CD8B2: variants seen among roughly 807,000 people sequenced by gnomAD.
The protein encoded by CD8B2 is T-cell surface glycoprotein CD8 beta-2 chain.
Under a neutral mutation model 23.7 loss-of-function variants are expected in CD8B2, and 11 were observed. The observed-to-expected ratio is 0.46, with a 90% CI of 0.29 to 0.77. CD8B2 has a LOEUF of 0.77. Ranked by LOEUF, CD8B2 falls within the 30% of genes least tolerant of loss-of-function variation. The pLI is 0.09. For synonymous variants in CD8B2, 90 were observed against 109.3 expected, an observed-to-expected ratio of 0.82 and a Z score of 1.10; for missense variants, 197 against 270.5, an observed-to-expected ratio of 0.73 and a Z score of 1.91.
intron 5 of CD8B2, among the ~76,000 whole-genome samples, chr2:106,536,625 G>T (rs553332803): frequency 6.6e-6 from 1 of 152,216 alleles, no homozygotes; most frequent in African/African-American, 2.4e-5. Context: ...ACAATGAATA[G>T]ATGAAAAGGG....
chr2:106,487,489 G>T lies in CD8B2; in HGVS notation c.43+20G>T. ...TGACAGGTAAGGCGGCGGCGCGCGGGCTGCCCAAGGTCTGCGCTCCCGGGG... is the reference window on the plus strand; with the variant it reads ...TGACAGGTAAGGCGGCGGCGCGCGGTCTGCCCAAGGTCTGCGCTCCCGGGG... On this transcript the variant is annotated intron_variant, in intron 1 of 5. Transcript: ENST00000643224. The T allele has an allele frequency of 8.1e-7, 1 of 1,233,494 alleles. No homozygotes were observed. Among genetic ancestry groups the T allele is most frequent in the Non-Finnish European group, 1.0e-6 (1 of 985,432 alleles). The allele number at this position is 1,233,494 out of a possible 1,614,324, so 76.4% of individuals were successfully genotyped here.
Position 106,507,425 on chromosome 2 carries a change from T to C in CD8B2, c.*485T>C. 1 of 985,944 alleles carries C rather than the reference T, an allele frequency of 1.0e-6. No homozygotes were observed. The highest frequency in any genetic ancestry group is 1.2e-6 in the Non-Finnish European group (1 of 830,338). The allele number at this position is 985,944 out of a possible 1,614,324, so 61.1% of individuals were successfully genotyped here. On this transcript the variant is annotated 3_prime_UTR_variant, in exon 6 of 6. Coordinates refer to ENST00000643224, the MANE Select transcript of CD8B2 (RefSeq NM_001349727.2). ...GCCAGGTGCAGGTTGGGAATGAGGC[T>C]TGCTGAGAGGGGCTGTCCAGTTCCC...
At chr2:106,494,919 C>T (rs1446834763) in intron 2 of CD8B2, among the ~76,000 whole-genome samples, 1 of 152,152 alleles carries the variant, frequency 6.6e-6, no homozygotes, top group African/African-American at 2.4e-5. Flanking sequence ...GAAAACCAAT[C>T]CCCAAATATG....
chr2:106,532,763 T>A (rs1017108857), intron 5 of CD8B2, among the ~76,000 whole-genome samples: 2 of 152,212 alleles, frequency 1.3e-5, no homozygotes, highest in Admixed American at 6.5e-5. Context: ...CAGAGGTCAC[T>A]CTCATCGCCA....
chr2:106,514,845 T>C (rs1305507603), downstream of CD8B2, among the ~76,000 whole-genome samples: 7 of 152,188 alleles, frequency 4.6e-5, no homozygotes, highest in Admixed American at 4.6e-4. Context: ...TTTCATAGCA[T>C]TCTTTATGAC....
intron 5 of CD8B2, among the ~76,000 whole-genome samples, chr2:106,540,565 T>C: frequency 6.6e-6 from 1 of 151,220 alleles, no homozygotes; most frequent in Non-Finnish European, 1.5e-5. Context: ...ATCATCCAAA[T>C]ACTCCTTTTT....
At chr2:106,513,141 G>A (rs1415090888), downstream of CD8B2, among the ~76,000 whole-genome samples, 1 of 150,172 alleles carries the variant, frequency 6.7e-6, no homozygotes, top group Non-Finnish European at 1.5e-5. Context: ...ACCTTTCTGT[G>A]CTCCTCAAGG....
At chr2:106,524,534 A>AG (rs1282246294) in intron 5 of CD8B2, among the ~76,000 whole-genome samples, 1 of 152,112 alleles carries the variant, frequency 6.6e-6, no homozygotes, top group Non-Finnish European at 1.5e-5. Flanking sequence ...TTGTTTCAGG[A>AG]GGTGGGTGGG....
intron 5 of CD8B2, among the ~76,000 whole-genome samples, chr2:106,539,770 C>G (rs375033258): frequency 1.3e-5 from 2 of 152,154 alleles, no homozygotes; most frequent in African/African-American, 4.8e-5. Flanking sequence ...CCTCCTTTGG[C>G]TGATAAAATA....
chr2:106,490,788 C>T (rs1490715642), intron 1 of CD8B2, 86 bp from the exon 2 acceptor site: 11 of 1,527,234 alleles, frequency 7.2e-6, no homozygotes, highest in Non-Finnish European at 9.6e-6. Flanking sequence ...ATGGCTTTTC[C>T]TTTGACACTT....
chr2:106,507,514 A>C lies in CD8B2; in HGVS notation c.*574A>C, dbSNP rs895896210. On this transcript the variant is annotated 3_prime_UTR_variant, in exon 6 of 6. Transcript: ENST00000643224. ...GGGAACTTGCGGGTTTGAGGATAGG[A>C]GTTCACTTCATCTTCTTAGCTCCAA... The C allele has an allele frequency of 6.1e-5, 60 of 981,932 alleles. No homozygotes were observed. In the African/African-American group the frequency reaches 9.8e-4, roughly 16 times the overall value. The allele number at this position is 981,932 out of a possible 1,614,324, so 60.8% of individuals were successfully genotyped here. A position where few individuals can be genotyped will look rare whatever the true frequency, so the allele number is the denominator to read the frequency against.
chr2:106,495,416 G>T (rs1679280267), intron 2 of CD8B2, among the ~76,000 whole-genome samples: 1 of 152,142 alleles, frequency 6.6e-6, no homozygotes, highest in African/African-American at 2.4e-5. Flanking sequence ...GTACGCGCCT[G>T]TAATCCCAGC....
At chr2:106,526,114 C>T (rs896074882) in intron 5 of CD8B2, among the ~76,000 whole-genome samples, 3 of 152,032 alleles carry the variant, frequency 2.0e-5, no homozygotes, top group Non-Finnish European at 4.4e-5. Flanking sequence ...TGGCGGCATG[C>T]ATCCGTAGTC....
chr2:106,536,069 T>C (rs1040647366), intron 5 of CD8B2, among the ~76,000 whole-genome samples: 16 of 150,394 alleles, frequency 1.1e-4, no homozygotes, highest in Admixed American at 9.3e-4. Flanking sequence ...AGTTTTGCTC[T>C]TGCTGCCCAG....
rs1189273811 is a variant in CD8B2, at chr2:106,502,548, G to T, written c.568G>T (p.Ala190Ser). 23 of 1,571,510 alleles carry T rather than the reference G, an allele frequency of 1.5e-5. No homozygotes were observed. Among genetic ancestry groups the T allele is most frequent in the Non-Finnish European group, 1.8e-5 (21 of 1,155,866 alleles). ...VLVLLVSLGV[A>S]MHLCCRRRRA... is the part of the protein sequence containing the mutation. ...GGTTCTGCTGGTTTCCCTGGGAGTG[G>T]CCATGCACCTGTGCTGTGAGTTGTC... The change falls in exon 4 of 6, where the codon GCC becomes TCC. Residue 190 changes from alanine (A) to serine (S), a missense_variant. By Grantham distance (99) the Ala-to-Ser change is moderately conservative. Transcript: ENST00000643224.
intron 1 of CD8B2, among the ~76,000 whole-genome samples, chr2:106,489,984 C>T (rs1679159225): frequency 6.6e-6 from 1 of 152,172 alleles, no homozygotes; most frequent in South Asian, 2.1e-4. Flanking sequence ...TCGTCAGAGT[C>T]TAAGATGAAC....
intron 3 of CD8B2, among the ~76,000 whole-genome samples, chr2:106,498,140 T>TTTTC (rs1449172961): frequency 6.7e-6 from 1 of 148,956 alleles, no homozygotes; most frequent in African/African-American, 2.5e-5. Context: ...GCATAATTTC[T>TTTTC]TTTCTTTCTT....
At chr2:106,487,870 T>A (rs1410772031) in intron 1 of CD8B2, among the ~76,000 whole-genome samples, 4 of 151,876 alleles carry the variant, frequency 2.6e-5, no homozygotes, top group African/African-American at 9.7e-5. Context: ...GTGGACACAT[T>A]TTTATTACTT....
Position 106,509,766 on chromosome 2 carries a change from C to T in CD8B2, c.*2826C>T, listed in dbSNP as rs1475850127. 1.3e-5 allele frequency: 2 copies of T among 152,162 alleles called. No individual in the cohort carries two copies. The highest frequency in any genetic ancestry group is 2.9e-5 in the Non-Finnish European group (2 of 68,034). 9.4% of individuals were successfully genotyped at this position (152,162 alleles called of 1,614,324 possible). A position where few individuals can be genotyped will look rare whatever the true frequency, so the allele number is the denominator to read the frequency against. ...TGAGCTGCTACTACACTCTATAGGG[C>T]CATTATGATGAAATATGCCCCCCAA... On this transcript the variant is annotated 3_prime_UTR_variant, in exon 6 of 6. Transcript: ENST00000643224.
Sources: gnomAD v4.1 joint callset for allele counts (sites outside exome capture counted in the v4.1 genomes callset) on GRCh38, gnomAD v4.1.1 for gene constraint, MANE v1.5 for transcripts, NCBI Gene and HGNC (gene_info 2026-07-23, HGNC 2026-07-21) for gene names.